Variants in ARHGAP15 observed in about 807,000 individuals in gnomAD.
ARHGAP15 encodes Rho GTPase activating protein 15.
ARHGAP15 carries 51 observed loss-of-function variants against 63.7 expected under a neutral mutation model. The ratio of observed to expected loss-of-function variants is 0.80; its 90% CI spans 0.64 to 1.01. ARHGAP15 has a LOEUF of 1.01. Among genes scored for constraint, ARHGAP15 ranks in the 50% least tolerant of loss-of-function variants. The pLI is 0.00. For missense variants in ARHGAP15, 560 were observed against 564.6 expected (o/e 0.99, Z 0.08); for synonymous variants, 191 against 193.8 (o/e 0.99, Z 0.12).
intron 8 of ARHGAP15, among the ~76,000 whole-genome samples, chr2:143,486,206 G>A (rs531431889): frequency 1.3e-5 from 2 of 152,184 alleles, no homozygotes; most frequent in South Asian, 4.2e-4. Flanking sequence ...ATTGAATGAA[G>A]GCAGTGGAGC....
intron 12 of ARHGAP15, among the ~76,000 whole-genome samples, chr2:143,664,066 T>C (rs1322012602): frequency 3.3e-5 from 5 of 151,770 alleles, no homozygotes; most frequent in Admixed American, 2.0e-4. Context: ...GCGGACCTAA[T>C]AGACATCTAC....
chr2:143,184,662 A>G (rs1019627515), intron 2 of ARHGAP15, among the ~76,000 whole-genome samples: 14 of 151,532 alleles, frequency 9.2e-5, no homozygotes, highest in African/African-American at 3.4e-4. Flanking sequence ...AATCCCGCCT[A>G]GCTAATACAG....
chr2:143,584,900 T>C (rs1408746680), intron 11 of ARHGAP15, among the ~76,000 whole-genome samples: 1 of 152,198 alleles, frequency 6.6e-6, no homozygotes, highest in East Asian at 1.9e-4. Flanking sequence ...AAATTTCTAA[T>C]TATAAATTGG....
intron 12 of ARHGAP15, among the ~76,000 whole-genome samples, chr2:143,657,370 C>T (rs544335308): frequency 1.3e-5 from 2 of 152,248 alleles, no homozygotes; most frequent in South Asian, 4.1e-4. Context: ...AAAACAAAAA[C>T]TGTTTCTGTA....
Position 143,346,288 on chromosome 2 carries a change from C to T in ARHGAP15, c.475-89313C>T, listed in dbSNP as rs1378302038. Among the ~76,000 whole-genome samples, 15 of 149,272 alleles carry T rather than the reference C, an allele frequency of 1.0e-4. No individual in the cohort carries two copies. In the South Asian group the frequency reaches 2.8e-3, roughly 28 times the overall value. On this transcript the variant is annotated intron_variant, in intron 6 of 13. Transcript: ENST00000295095. Reference sequence around the variant, plus strand: ...CACACACACACACTCACAAACACACCAGGGAGAGGATTACATTGAACACTC... The same window carrying T: ...CACACACACACACTCACAAACACACTAGGGAGAGGATTACATTGAACACTC...
chr2:143,761,138 T>C (rs910106370), intron 13 of ARHGAP15, among the ~76,000 whole-genome samples: 1 of 152,170 alleles, frequency 6.6e-6, no homozygotes. Context: ...GGCAAGCATA[T>C]GGTTAGCATA....
intron 10 of ARHGAP15, among the ~76,000 whole-genome samples, chr2:143,542,677 G>T (rs1055966756): frequency 1.4e-5 from 2 of 138,314 alleles, no homozygotes; most frequent in African/African-American, 5.4e-5. Context: ...TGATATATAT[G>T]ATATGATATA....
At chr2:143,430,107 C>T (rs984710379) in intron 6 of ARHGAP15, among the ~76,000 whole-genome samples, 12 of 150,928 alleles carry the variant, frequency 8.0e-5, no homozygotes, top group Non-Finnish European at 1.8e-4. Context: ...CCAAAGTAAA[C>T]AAACTTTTCA....
chr2:143,198,246 G>A (rs1388804651), intron 2 of ARHGAP15, among the ~76,000 whole-genome samples: 2 of 151,938 alleles, frequency 1.3e-5, no homozygotes, highest in Admixed American at 6.6e-5. Flanking sequence ...ATATATGTTA[G>A]CATACAATAT....
chr2:143,512,273 G>A (rs1401185416), intron 9 of ARHGAP15, among the ~76,000 whole-genome samples: 1 of 152,214 alleles, frequency 6.6e-6, no homozygotes, highest in East Asian at 1.9e-4. Context: ...ATCAGAAAAA[G>A]TCTCAGGATT....
intron 11 of ARHGAP15, among the ~76,000 whole-genome samples, chr2:143,571,504 T>A (rs142814406): frequency 6.6e-6 from 1 of 152,340 alleles, no homozygotes; most frequent in African/African-American, 2.4e-5. Context: ...GAAGGCATTA[T>A]GTGTTTCCTG....
chr2:143,542,215 G>A (rs1419285574), intron 10 of ARHGAP15, among the ~76,000 whole-genome samples: 1 of 152,214 alleles, frequency 6.6e-6, no homozygotes, highest in Non-Finnish European at 1.5e-5. Flanking sequence ...CGTTTGTTAA[G>A]CCCATTGGAA....
At chr2:143,301,698 T>C (rs552452457) in intron 6 of ARHGAP15, among the ~76,000 whole-genome samples, 1 of 152,008 alleles carries the variant, frequency 6.6e-6, no homozygotes, top group East Asian at 1.9e-4. Context: ...TATACAAAAT[T>C]TGTATATAAC....
intron 6 of ARHGAP15, among the ~76,000 whole-genome samples, chr2:143,392,627 C>T (rs1341955700): frequency 6.6e-6 from 1 of 152,142 alleles, no homozygotes; most frequent in Admixed American, 6.6e-5. Context: ...GTGGCTGTTT[C>T]AGCAGCTTGA....
intron 6 of ARHGAP15, among the ~76,000 whole-genome samples, chr2:143,317,657 C>T (rs187218361): frequency 1.3e-5 from 2 of 152,208 alleles, no homozygotes; most frequent in African/African-American, 4.8e-5. Context: ...GGCTTTACCT[C>T]CAAAACTGAG....
chr2:143,270,490 T>A (rs1009921053), intron 6 of ARHGAP15, among the ~76,000 whole-genome samples: 10 of 152,242 alleles, frequency 6.6e-5, no homozygotes, highest in African/African-American at 2.4e-4. Flanking sequence ...TTTAATATGT[T>A]CATAATTTAT....
intron 6 of ARHGAP15, among the ~76,000 whole-genome samples, chr2:143,415,643 CATTCTT>C (rs1202633618): frequency 7.2e-5 from 11 of 152,086 alleles, no homozygotes; most frequent in African/African-American, 2.4e-4. Context: ...TGGTGAAAGG[CATTCTT>C]ATTCAAGATG....
At chr2:143,458,756 ACT>A (rs978515943) in intron 8 of ARHGAP15, among the ~76,000 whole-genome samples, 16 of 152,240 alleles carry the variant, frequency 1.1e-4, no homozygotes, top group Non-Finnish European at 1.9e-4. Flanking sequence ...TGAAGTTATG[ACT>A]CAGCTGTTTT....
In ARHGAP15 at chr2:143,398,155, C is replaced by T. The variant is rs532661794; in HGVS notation, c.475-37446C>T. Among the ~76,000 whole-genome samples the T allele has an allele frequency of 1.2e-4, 18 of 152,238 alleles. No individual in the cohort carries two copies. The East Asian group carries it at 3.5e-3, about 29-fold the overall frequency. On this transcript the variant is annotated intron_variant, in intron 6 of 13. Coordinates refer to ENST00000295095, the MANE Select transcript of ARHGAP15 (RefSeq NM_018460.4). Reference sequence around the variant, plus strand: ...ATACTCCTCAGCCTAAGCAGTTAGACTCCAAGGTGGACTCAAGAGGTGCTG... The same window carrying T: ...ATACTCCTCAGCCTAAGCAGTTAGATTCCAAGGTGGACTCAAGAGGTGCTG...
Sources: allele counts gnomAD v4.1 joint callset (sites outside exome capture counted in the v4.1 genomes callset), GRCh38; gene constraint gnomAD v4.1.1; transcripts MANE v1.5; gene names NCBI Gene and HGNC (gene_info 2026-07-23, HGNC 2026-07-21).